DDX60L: variants seen among roughly 807,000 people sequenced by gnomAD.
The protein encoded by DDX60L is DExD/H-box 60 like.
DDX60L carries 191 observed loss-of-function variants against 211.6 expected under a neutral mutation model. The observed-to-expected ratio is 0.90, with a 90% CI of 0.80 to 1.02. DDX60L has a LOEUF of 1.02. Ranked by LOEUF, DDX60L falls within the 50% of genes least tolerant of loss-of-function variation. The pLI is 0.00. For synonymous variants in DDX60L, 706 were observed against 694.1 expected (o/e 1.02, Z -0.27); for missense variants, 2,007 against 1,984.1 (o/e 1.01, Z -0.22).
chr4:168,422,355 G>C (rs1750767484), intron 16 of DDX60L, among the ~76,000 whole-genome samples, 169 bp downstream of exon 16: 2 of 151,850 alleles, frequency 1.3e-5, no homozygotes, highest in African/African-American at 4.8e-5. Flanking sequence ...GGCCAAGAAG[G>C]GGAAGAAATG....
chr4:168,459,570 G>A (rs1193088025), intron 5 of DDX60L, among the ~76,000 whole-genome samples: 1 of 152,018 alleles, frequency 6.6e-6, no homozygotes, highest in African/African-American at 2.4e-5. Context: ...TGGGCAACAT[G>A]GTGAAACCCT....
In DDX60L at chr4:168,406,094, A is replaced by G; in HGVS notation, c.3085-16T>C. On this transcript the variant is annotated splice_polypyrimidine_tract_variant and intron_variant, in intron 23 of 37. Coordinates refer to ENST00000682922, the MANE Select transcript of DDX60L (RefSeq NM_001012967.3). ...GACACAATTCCTTGGGGGGAAAATTATCACAAAATTAAGCTAAGCTATGCA... is the reference window on the plus strand; with the variant it reads ...GACACAATTCCTTGGGGGGAAAATTGTCACAAAATTAAGCTAAGCTATGCA... 1 of 1,584,578 alleles carries G rather than the reference A, an allele frequency of 6.3e-7. No individual in the cohort carries two copies. The highest frequency in any genetic ancestry group is 8.5e-7 in the Non-Finnish European group (1 of 1,170,280).
At chr4:168,437,868 T>G (rs55895643) in intron 10 of DDX60L, among the ~76,000 whole-genome samples, 7,193 of 70,354 alleles carry the variant, frequency 0.1, 245 homozygotes, top group Middle Eastern at 0.2. Flanking sequence ...GGTTTTTTTT[T>G]GGGTTTTTTT....
In DDX60L at chr4:168,379,397, G is replaced by A. The variant is rs1742530080; in HGVS notation, c.4329C>T (p.Gly1443=). Residue 1443 remains glycine, a synonymous_variant, in exon 32 of 38, where the codon GGC becomes GGT. Transcript: ENST00000682922. Reference sequence around the variant, plus strand: ...CTGGCTTACAGAGATTATGGAAAAGGCCTCTCTTGAGAAAATTTACAAAAA... The same window carrying A: ...CTGGCTTACAGAGATTATGGAAAAGACCTCTCTTGAGAAAATTTACAAAAA... ...NLVFVNFLKR[G]LFHNLCKPAW... 7 of 1,599,838 alleles carry A rather than the reference G, an allele frequency of 4.4e-6. No individual in the cohort carries two copies. Among genetic ancestry groups the A allele is most frequent in the Middle Eastern group, 3.3e-4 (2 of 6,002 alleles).
chr4:168,366,839 C>A (rs553907009), intron 36 of DDX60L, among the ~76,000 whole-genome samples: 1 of 151,852 alleles, frequency 6.6e-6, no homozygotes, highest in African/African-American at 2.4e-5. Flanking sequence ...ACATTTACAC[C>A]CAACTGATTT....
intron 20 of DDX60L, 143 bp from the exon 21 acceptor site, chr4:168,415,942 A>C: frequency 1.4e-6 from 1 of 708,084 alleles, no homozygotes; most frequent in African/African-American, 1.8e-5. Flanking sequence ...TTGACTTCAG[A>C]GCTGTGGACT....
At chr4:168,414,360 T>C (rs897508403) in intron 22 of DDX60L, among the ~76,000 whole-genome samples, 1 of 152,064 alleles carries the variant, frequency 6.6e-6, no homozygotes, top group Non-Finnish European at 1.5e-5. Context: ...ATATCTTCAG[T>C]AGAAAGACAA....
chr4:168,462,008 T>C lies in DDX60L; in HGVS notation c.297A>G (p.Glu99=). ...TTAAAGCGGTCCTCAATGAAAGAAG[T>C]TCAGGAAAATCAAAATATGCATATT... ...DAEYAYFDFP[E]LLSLRTALIL... Residue 99 remains glutamate, a synonymous_variant, in exon 5 of 38, where the codon GAA becomes GAG. Coordinates refer to ENST00000682922, the MANE Select transcript of DDX60L (RefSeq NM_001012967.3). The C allele has an allele frequency of 1.9e-6, 3 of 1,609,220 alleles. No homozygotes were observed. The highest frequency in any genetic ancestry group is 1.7e-4 in the Middle Eastern group (1 of 6,050).
intron 30 of DDX60L, 65 bp from the exon 31 acceptor site, chr4:168,379,895 T>A: frequency 8.6e-7 from 1 of 1,161,236 alleles, no homozygotes; most frequent in Non-Finnish European, 1.2e-6. Context: ...TGATATGTAA[T>A]AAATAGTACA....
chr4:168,464,262 T>C lies in DDX60L; in HGVS notation c.265-2222A>G, dbSNP rs1757682656. 2.0e-5 allele frequency among the ~76,000 whole-genome samples: 3 copies of C among 152,278 alleles called. No homozygotes were observed. In the South Asian group the frequency reaches 6.2e-4, roughly 32 times the overall value. On this transcript the variant is annotated intron_variant, in intron 4 of 37. Coordinates refer to ENST00000682922, the MANE Select transcript of DDX60L (RefSeq NM_001012967.3). Reference sequence around the variant, plus strand: ...TACATTCACCAAAATAGGCCATGTATTGGACGTCAAAACAAGTCCCAATAG... The same window carrying C: ...TACATTCACCAAAATAGGCCATGTACTGGACGTCAAAACAAGTCCCAATAG...
At position 168,415,424 on chromosome 4, in the gene DDX60L, G is replaced by A. The variant is rs375142237; in HGVS notation, c.2963C>T (p.Ala988Val). 8.6e-5 allele frequency: 137 copies of A among 1,601,604 alleles called. No homozygotes were observed. In the African/African-American group the frequency reaches 1.3e-3, roughly 15 times the overall value. ...VYFDHFHPCAALTTDIIEKYG... is the reference protein window; with the variant it reads ...VYFDHFHPCAVLTTDIIEKYG... Reference sequence around the variant, plus strand: ...TATACTTACAATATCTGTCGTTAGCGCAGCACAGGGATGAAAATGATCAAA... The same window carrying A: ...TATACTTACAATATCTGTCGTTAGCACAGCACAGGGATGAAAATGATCAAA... The change falls in exon 22 of 38, where the codon GCG becomes GTG. Residue 988 changes from alanine (A) to valine (V), a missense_variant. By Grantham distance (64) the Ala-to-Val change is moderately conservative. Transcript: ENST00000682922.
rs550241851 is a variant in DDX60L, at chr4:168,466,595, T to C, written c.265-4555A>G. On this transcript the variant is annotated intron_variant, in intron 4 of 37. Coordinates refer to ENST00000682922, the MANE Select transcript of DDX60L (RefSeq NM_001012967.3). ...AAAAATCTGTCCTCATTTCACCAGA[T>C]GTGAATTTCAAGTAGAGCAGTTGCT... Among the ~76,000 whole-genome samples the C allele has an allele frequency of 6.3e-4, 96 of 152,334 alleles. No individual in the cohort carries two copies. The Middle Eastern group carries it at 0.01, about 16-fold the overall frequency.
Position 168,455,935 on chromosome 4 carries a change from A to C in DDX60L, c.837+104T>G, listed in dbSNP as rs1756510520. On this transcript the variant is annotated intron_variant, in intron 7 of 37. Transcript: ENST00000682922. ...TGAAGAAAATGGCGGTCAGAAACCA[A>C]GAGTATGTCCACAGTGGAGAACCTG... 3 of 741,472 alleles carry C rather than the reference A, an allele frequency of 4.0e-6. 1 individual carries two copies. The highest frequency in any genetic ancestry group is 3.8e-5 in the African/African-American group (2 of 52,902). 45.9% of individuals were successfully genotyped at this position (741,472 alleles called of 1,614,324 possible). A position where few individuals can be genotyped will look rare whatever the true frequency, so the allele number is the denominator to read the frequency against.
intron 4 of DDX60L, chr4:168,470,822 A>G: frequency 3.7e-6 from 1 of 269,404 alleles, no homozygotes; most frequent in Non-Finnish European, 7.4e-6. Flanking sequence ...CCTGTGCAAA[A>G]AGAGCGAAAC....
chr4:168,425,142 A>G (rs1225372550), intron 14 of DDX60L, among the ~76,000 whole-genome samples: 1 of 152,226 alleles, frequency 6.6e-6, no homozygotes, highest in East Asian at 1.9e-4. Context: ...TGAACTGCCT[A>G]TCTCTGGACT....
intron 12 of DDX60L, among the ~76,000 whole-genome samples, 184 bp downstream of exon 12, chr4:168,432,271 C>G (rs778820099): frequency 6.8e-6 from 1 of 147,892 alleles, no homozygotes; most frequent in African/African-American, 2.5e-5. Context: ...TATATATACA[C>G]ACATATATGT....
chr4:168,459,489 C>T (rs191756942), intron 5 of DDX60L, among the ~76,000 whole-genome samples: 3 of 151,986 alleles, frequency 2.0e-5, no homozygotes, highest in Admixed American at 2.0e-4. Flanking sequence ...CAGTGGCTCA[C>T]GCCTGCAATC....
chr4:168,427,579 A>AT (rs1258801499), intron 13 of DDX60L, among the ~76,000 whole-genome samples: 5 of 152,246 alleles, frequency 3.3e-5, no homozygotes, highest in African/African-American at 4.8e-5. Context: ...TATTAATAAA[A>AT]AAGTAAAAGT....
In DDX60L at chr4:168,462,040, C is replaced by G; in HGVS notation, c.265G>C (p.Asp89His). Residue 89 changes from aspartate (D) to histidine (H), a missense_variant and splice_region_variant, in exon 5 of 38, where the codon GAT becomes CAT. By Grantham distance (81) the Asp-to-His change is moderately conservative (BLOSUM62 -1). Coordinates refer to ENST00000682922, the MANE Select transcript of DDX60L (RefSeq NM_001012967.3). ...AAATCAAAATATGCATATTCAGCAT[C>G]CTGTGGTGAGAAAAAGAAACAAGCA... is the stretch of plus-strand genomic sequence containing the variant. ...GGQFTIVFFK[D>H]AEYAYFDFPE... 1 of 1,576,882 alleles carries G rather than the reference C, an allele frequency of 6.3e-7. No individual in the cohort carries two copies. Among genetic ancestry groups the G allele is most frequent in the Non-Finnish European group, 8.6e-7 (1 of 1,161,376 alleles).
Sources: gnomAD v4.1 joint callset for allele counts (sites outside exome capture counted in the v4.1 genomes callset) on GRCh38, gnomAD v4.1.1 for gene constraint, MANE v1.5 for transcripts, NCBI Gene and HGNC (gene_info 2026-07-23, HGNC 2026-07-21) for gene names.